The following PCSK6 variants were observed in gnomAD, a reference collection of about 807,000 sequenced individuals.
PCSK6 encodes the protein paired basic amino acid cleaving enzyme 4.
A neutral mutation model predicts 123.3 loss-of-function variants in PCSK6; 85 were observed. The observed-to-expected ratio is 0.69, with a 90% CI of 0.58 to 0.83. The LOEUF is 0.83. Ranked by LOEUF, PCSK6 falls within the 40% of genes least tolerant of loss-of-function variation. PCSK6 has a pLI of 0.00. For missense variants in PCSK6, 1,191 were observed against 1,282.3 expected (o/e 0.93, Z 1.09); for synonymous variants, 508 against 516.0 (o/e 0.98, Z 0.21).
rs1213261608 is a variant in PCSK6, at chr15:101,305,220, G to GA, written c.*37dup. The GA allele has an allele frequency of 2.0e-6, 3 of 1,514,680 alleles. No homozygotes were observed. The highest frequency in any genetic ancestry group is 2.7e-6 in the Non-Finnish European group (3 of 1,102,316). The allele number at this position is 1,514,680 out of a possible 1,614,324, so 93.8% of individuals were successfully genotyped here. ...CTGGAGGAAGGTGGACGGATGGATG[G>GA]ATGGGAGTGCCTGCCCTCTGTGGGC... is the stretch of plus-strand genomic sequence containing the variant. On this transcript the variant is annotated 3_prime_UTR_variant, in exon 22 of 22. Transcript: ENST00000611716. This position sits in a 1 kb window ranked among gnomAD's most constrained non-coding sequence, Gnocchi z 4.8.
intron 13 of PCSK6, among the ~76,000 whole-genome samples, chr15:101,360,778 G>C (rs1450993263): frequency 6.6e-6 from 1 of 152,182 alleles, no homozygotes; most frequent in South Asian, 2.1e-4. Flanking sequence ...GATGTCTGCA[G>C]AGCTCACCCC....
At chr15:101,309,715 G>A (rs1352415968) in intron 20 of PCSK6, among the ~76,000 whole-genome samples, 2 of 152,232 alleles carry the variant, frequency 1.3e-5, no homozygotes, top group African/African-American at 2.4e-5. Flanking sequence ...AGTGGAGGCA[G>A]GGCCAGGGCA....
intron 6 of PCSK6, among the ~76,000 whole-genome samples, chr15:101,412,918 T>G: frequency 6.7e-6 from 1 of 148,662 alleles, no homozygotes; most frequent in African/African-American, 2.5e-5. Context: ...TGCCCAGGAG[T>G]TCGAGGTTAC....
intron 2 of PCSK6, among the ~76,000 whole-genome samples, chr15:101,433,503 C>T (rs998458315): frequency 2.0e-5 from 3 of 152,148 alleles, no homozygotes; most frequent in Admixed American, 6.5e-5. Flanking sequence ...GCGCCAGGGC[C>T]GTGCTCTCGA....
At chr15:101,331,568 G>A in intron 15 of PCSK6, 83 bp downstream of exon 15, 2 of 1,306,164 alleles carry the variant, frequency 1.5e-6, no homozygotes, top group East Asian at 2.4e-5. Flanking sequence ...CAGGGGGCAA[G>A]ACCCCATTCT....
chr15:101,329,321 G>A (rs2040326300), intron 15 of PCSK6, among the ~76,000 whole-genome samples: 1 of 152,216 alleles, frequency 6.6e-6, no homozygotes, highest in Admixed American at 6.5e-5. Context: ...CGATGGACAG[G>A]AGAGTTTGGT....
rs375691395 is a variant in PCSK6, at chr15:101,324,919, C to T, written c.2308G>A (p.Gly770Arg). ...TTCATCTCCTGGTGGTGATAGAACC[C>T]GCGGCGGCAAGACAGGCACTGCGTC... Reference protein sequence around the residue: ...AATQCLSCRRGFYHHQEMNTC... With the variant: ...AATQCLSCRRRFYHHQEMNTC... Residue 770 changes from glycine to arginine, a missense_variant, in exon 17 of 22, where the codon GGG becomes AGG. By Grantham distance (125) the Gly-to-Arg change is moderately radical (BLOSUM62 -2). This residue lies in a region of PCSK6 where 630 missense variants were observed against 631.4 expected (regional missense o/e 1.00). Coordinates refer to ENST00000611716, the MANE Select transcript of PCSK6 (RefSeq NM_002570.5). 2.0e-5 allele frequency: 33 copies of T among 1,613,448 alleles called. 1 individual carries two copies. The South Asian group carries it at 2.5e-4, about 12-fold the overall frequency.
intron 15 of PCSK6, among the ~76,000 whole-genome samples, chr15:101,329,296 G>A (rs184486329): frequency 5.3e-5 from 8 of 152,278 alleles, no homozygotes; most frequent in African/African-American, 1.7e-4. Context: ...GCCGTTGCGC[G>A]CTCAGACCAA....
chr15:101,433,836 G>A (rs1229816443), intron 2 of PCSK6, among the ~76,000 whole-genome samples: 1 of 152,252 alleles, frequency 6.6e-6, no homozygotes, highest in East Asian at 1.9e-4. Context: ...TTAGGGCTGG[G>A]GATGGCCTCC....
intron 19 of PCSK6, among the ~76,000 whole-genome samples, chr15:101,317,605 C>T (rs1300640713): frequency 6.6e-6 from 1 of 152,192 alleles, no homozygotes; most frequent in Non-Finnish European, 1.5e-5. Flanking sequence ...GATCCATTCC[C>T]GCCTCTCCCA....
At chr15:101,403,592 G>GC (rs2042675952) in intron 6 of PCSK6, among the ~76,000 whole-genome samples, 1 of 152,096 alleles carries the variant, frequency 6.6e-6, no homozygotes, top group African/African-American at 2.4e-5. Context: ...GAACCCTGCA[G>GC]CCCAATGCAA....
Position 101,311,581 on chromosome 15 carries a change from C to T in PCSK6, c.2699+1795G>A, listed in dbSNP as rs188883866. 1.2e-4 allele frequency among the ~76,000 whole-genome samples: 19 copies of T among 152,156 alleles called. No individual in the cohort carries two copies. In the East Asian group the frequency reaches 3.5e-3, roughly 28 times the overall value. On this transcript the variant is annotated intron_variant, in intron 20 of 21. Transcript: ENST00000611716. Reference sequence around the variant, plus strand: ...TTCAACCTCTTTTCTTTATAAATCACCCAACCTCAGGTATTTCTTTTTAGC... The same window carrying T: ...TTCAACCTCTTTTCTTTATAAATCATCCAACCTCAGGTATTTCTTTTTAGC...
chr15:101,390,378 G>A (rs950816234), intron 8 of PCSK6, among the ~76,000 whole-genome samples: 1 of 48,328 alleles, frequency 2.1e-5, no homozygotes, highest in African/African-American at 9.8e-5. Context: ...GTCCCCTGGT[G>A]TTATTCCAAT....
chr15:101,321,744 C>T (rs1393130314), intron 18 of PCSK6, among the ~76,000 whole-genome samples: 3 of 152,242 alleles, frequency 2.0e-5, no homozygotes, highest in Non-Finnish European at 2.9e-5. Context: ...TGCCAGCCTG[C>T]GGAAATGCAG....
intron 13 of PCSK6, among the ~76,000 whole-genome samples, chr15:101,340,051 C>T (rs745736956): frequency 1.3e-5 from 2 of 152,052 alleles, no homozygotes; most frequent in African/African-American, 2.4e-5. Context: ...TTTAAGTTCA[C>T]ATTATGGCAA....
In PCSK6 at chr15:101,365,389, T is replaced by C. The variant is rs563687019; in HGVS notation, c.1858+807A>G. Among the ~76,000 whole-genome samples the C allele has an allele frequency of 5.9e-5, 9 of 152,350 alleles. No homozygotes were observed. The South Asian group carries it at 1.9e-3, about 32-fold the overall frequency. ...CACCTACTAGAACGCTTATAATTTT[T>C]TAAAAAGCAGAGAATATTAAGTGTT... On this transcript the variant is annotated intron_variant, in intron 13 of 21. Coordinates refer to ENST00000611716, the MANE Select transcript of PCSK6 (RefSeq NM_002570.5).
chr15:101,408,951 T>G (rs1018216643), intron 6 of PCSK6, among the ~76,000 whole-genome samples: 1 of 152,196 alleles, frequency 6.6e-6, no homozygotes, highest in Non-Finnish European at 1.5e-5. Flanking sequence ...CCAACAGGAA[T>G]CTGGTCGCTG....
At chr15:101,417,359 T>C (rs1385548142) in intron 6 of PCSK6, among the ~76,000 whole-genome samples, 1 of 152,218 alleles carries the variant, frequency 6.6e-6, no homozygotes, top group East Asian at 1.9e-4. Flanking sequence ...CCCATTGGCA[T>C]ATTCACAAAA....
At chr15:101,449,701 C>A (rs1301543499) in intron 1 of PCSK6, among the ~76,000 whole-genome samples, 1 of 152,224 alleles carries the variant, frequency 6.6e-6, no homozygotes, top group Non-Finnish European at 1.5e-5. Context: ...GAGGTCTGAA[C>A]AGCCACTGGG....
Sources: allele counts gnomAD v4.1 joint callset (sites outside exome capture counted in the v4.1 genomes callset), GRCh38; gene constraint gnomAD v4.1.1; regional missense constraint gnomAD v4.1.1; non-coding constraint Gnocchi (gnomAD v3.1); transcripts MANE v1.5; gene names NCBI Gene and HGNC (gene_info 2026-07-23, HGNC 2026-07-21).